SLC12A1: variants seen among roughly 807,000 people sequenced by gnomAD.
The protein encoded by SLC12A1 is Na-K-2Cl cotransporter.
SLC12A1 carries 89 observed loss-of-function variants against 130.4 expected under a neutral mutation model. The observed-to-expected ratio is 0.68, with a 90% CI of 0.58 to 0.81. The LOEUF (loss-of-function observed/expected upper bound fraction) is 0.81, where lower values mean the gene tolerates loss of function less well. Ranked by LOEUF, SLC12A1 falls within the 40% of genes least tolerant of loss-of-function variation. SLC12A1 has a pLI of 0.00. For missense variants in SLC12A1, 1,310 were observed against 1,336.4 expected (o/e 0.98, Z 0.31); for synonymous variants, 499 against 460.0 (o/e 1.08, Z -1.09).
intron 24 of SLC12A1, among the ~76,000 whole-genome samples, chr15:48,294,561 A>G (rs2042155099): frequency 1.3e-5 from 2 of 152,230 alleles, no homozygotes. Flanking sequence ...ACATTCTGAT[A>G]TGAACTGGGT....
Position 48,207,710 on chromosome 15 carries a change from A to G in SLC12A1, c.-10A>G, listed in dbSNP as rs1266120673. ...AAGTAGATAGCTCAGTAAAAAATCA[A>G]TTTTGGAAGATGTCACTGAACAACT... is the stretch of plus-strand genomic sequence containing the variant. On this transcript the variant is annotated 5_prime_UTR_variant, in exon 2 of 27. Coordinates refer to ENST00000380993, the MANE Select transcript of SLC12A1 (RefSeq NM_000338.3). The G allele has an allele frequency of 1.3e-6, 2 of 1,540,662 alleles. No homozygotes were observed. The highest frequency in any genetic ancestry group is 2.8e-5 in the African/African-American group (2 of 72,328).
At chr15:48,280,029 T>C (rs954759682) in intron 20 of SLC12A1, among the ~76,000 whole-genome samples, 5 of 152,128 alleles carry the variant, frequency 3.3e-5, no homozygotes, top group Admixed American at 6.6e-5. Flanking sequence ...AAGGATGCTG[T>C]AAAATGGGAA....
At chr15:48,232,985 A>G in intron 8 of SLC12A1, 147 bp downstream of exon 8, 1 of 624,720 alleles carries the variant, frequency 1.6e-6, no homozygotes, top group Non-Finnish European at 2.9e-6. Context: ...AGAAATGGGA[A>G]GTACGTTGGG....
chr15:48,298,208 C>T (rs569266957), intron 24 of SLC12A1, among the ~76,000 whole-genome samples: 229 of 152,198 alleles, frequency 1.5e-3, no homozygotes, highest in Non-Finnish European at 2.8e-3. Flanking sequence ...TCTAAAATTA[C>T]TAAATTATAA....
rs530117776 is a variant in SLC12A1 at position 48,289,899 on chromosome 15, A to G, written c.2873+1383A>G. The stretch of plus-strand genomic sequence containing the variant: ...TTTATCAACACTGTATACTTGGGCT[A>G]CACAAAATTTATACAAAAATACTTT... On this transcript the variant is annotated intron_variant, in intron 23 of 26. Coordinates refer to ENST00000380993, the MANE Select transcript of SLC12A1 (RefSeq NM_000338.3). Among the ~76,000 whole-genome samples, 9 of 152,320 alleles carry G rather than the reference A, an allele frequency of 5.9e-5. No homozygotes were observed. In the South Asian group the frequency reaches 1.9e-3, roughly 32 times the overall value.
intron 4 of SLC12A1, 77 bp downstream of exon 4, chr15:48,221,073 A>G (rs2041207785): frequency 7.8e-7 from 1 of 1,277,818 alleles, no homozygotes; most frequent in African/African-American, 1.5e-5. Context: ...CACCATTAAT[A>G]CTGAATGTGA....
intron 16 of SLC12A1, among the ~76,000 whole-genome samples, 157 bp downstream of exon 16, chr15:48,256,067 TGTAA>T (rs1429814553): frequency 2.0e-5 from 3 of 152,226 alleles, no homozygotes; most frequent in Admixed American, 6.5e-5. Flanking sequence ...CAGCACCTCC[TGTAA>T]GTGAGTGCTT....
intron 9 of SLC12A1, chr15:48,235,291 G>A: frequency 2.6e-6 from 1 of 380,276 alleles, no homozygotes; most frequent in Non-Finnish European, 4.8e-6. Flanking sequence ...AAAAATACCA[G>A]AACCACCCTT....
intron 21 of SLC12A1, 110 bp from the exon 22 acceptor site, chr15:48,287,933 A>C (rs1036637084): frequency 5.0e-6 from 6 of 1,210,000 alleles, no homozygotes; most frequent in Non-Finnish European, 5.6e-6. Flanking sequence ...TAGGTATAAT[A>C]AACATGAATC....
At chr15:48,236,786 T>A (rs932195868) in intron 9 of SLC12A1, among the ~76,000 whole-genome samples, 1 of 152,218 alleles carries the variant, frequency 6.6e-6, no homozygotes, top group East Asian at 1.9e-4. Context: ...GAATGAAATT[T>A]AGCTGTGGAT....
intron 20 of SLC12A1, among the ~76,000 whole-genome samples, chr15:48,277,148 T>C (rs2041961754): frequency 6.6e-6 from 1 of 151,890 alleles, no homozygotes; most frequent in Admixed American, 6.6e-5. Context: ...ACTATAGATC[T>C]CTGGGAGATC....
chr15:48,298,280 T>C (rs1000727105), intron 24 of SLC12A1, among the ~76,000 whole-genome samples: 1 of 152,248 alleles, frequency 6.6e-6, no homozygotes, highest in Admixed American at 6.5e-5. Context: ...TAAAGTAGCA[T>C]ACTAGAGACA....
intron 20 of SLC12A1, among the ~76,000 whole-genome samples, chr15:48,282,844 G>A (rs776457194): frequency 2.6e-4 from 40 of 152,144 alleles, no homozygotes; most frequent in Non-Finnish European, 5.6e-4. Context: ...CTCTGAAATA[G>A]TAATAATAAT....
At chr15:48,211,155 T>G (rs2041047635) in intron 2 of SLC12A1, among the ~76,000 whole-genome samples, 1 of 152,176 alleles carries the variant, frequency 6.6e-6, no homozygotes, top group African/African-American at 2.4e-5. Flanking sequence ...TCATCTTGAT[T>G]AAATCATGAA....
intron 2 of SLC12A1, among the ~76,000 whole-genome samples, chr15:48,212,012 C>G (rs1453396788): frequency 6.6e-6 from 1 of 152,136 alleles, no homozygotes; most frequent in Non-Finnish European, 1.5e-5. Flanking sequence ...CCTTTACTTG[C>G]TCTCTACAAG....
At chr15:48,213,166 C>A (rs990316989) in intron 2 of SLC12A1, among the ~76,000 whole-genome samples, 4 of 152,182 alleles carry the variant, frequency 2.6e-5, no homozygotes, top group African/African-American at 9.6e-5. Context: ...CCCATGTCTG[C>A]AGGACTCCAG....
intron 16 of SLC12A1, among the ~76,000 whole-genome samples, chr15:48,258,410 AAGG>A (rs1678247638): frequency 6.8e-6 from 1 of 147,618 alleles, no homozygotes; most frequent in Non-Finnish European, 1.5e-5. Flanking sequence ...TCCAGTTCCC[AAGG>A]AGTTCTTCAT....
At chr15:48,280,008 T>G (rs1018236205) in intron 20 of SLC12A1, among the ~76,000 whole-genome samples, 8 of 152,056 alleles carry the variant, frequency 5.3e-5, no homozygotes, top group African/African-American at 1.9e-4. Context: ...AACTTAAAAT[T>G]AATAAAGAAA....
intron 9 of SLC12A1, chr15:48,237,292 G>A (rs868049504): frequency 1.9e-4 from 75 of 388,536 alleles, no homozygotes; most frequent in African/African-American, 1.5e-3. Flanking sequence ...ATTATTTTAA[G>A]TGCAGAGTAG....
Sources: allele counts gnomAD v4.1 joint callset (sites outside exome capture counted in the v4.1 genomes callset), GRCh38; gene constraint gnomAD v4.1.1; transcripts MANE v1.5; gene names NCBI Gene and HGNC (gene_info 2026-07-23, HGNC 2026-07-21).